The following SNX30 variants were observed in gnomAD, a reference collection of about 807,000 sequenced individuals.
The protein encoded by SNX30 is sorting nexin-30.
Under a neutral mutation model 46.4 loss-of-function variants are expected in SNX30, and 24 were observed. The observed-to-expected ratio is 0.52, with a 90% CI of 0.37 to 0.73. The LOEUF (loss-of-function observed/expected upper bound fraction) is 0.73, where lower values mean the gene tolerates loss of function less well. Among genes scored for constraint, SNX30 ranks in the 30% least tolerant of loss-of-function variants. The pLI is 0.00. For missense variants in SNX30, 533 were observed against 555.7 expected (o/e 0.96, Z 0.41); for synonymous variants, 189 against 211.5 (o/e 0.89, Z 0.92).
intron 3 of SNX30, among the ~76,000 whole-genome samples, chr9:112,829,250 AT>A (rs201643949): frequency 0.01 from 1,519 of 150,268 alleles, 34 homozygotes; most frequent in African/African-American, 0.035. Context: ...CCTGCTTTCA[AT>A]TTTTTTTTTA....
chr9:112,771,998 C>T (rs996676352), intron 1 of SNX30, among the ~76,000 whole-genome samples: 37 of 152,174 alleles, frequency 2.4e-4, no homozygotes, highest in African/African-American at 8.0e-4. Flanking sequence ...CAGGGGCAAA[C>T]CTTCGGTTGT....
chr9:112,805,475 A>G (rs939612621), intron 2 of SNX30, among the ~76,000 whole-genome samples: 11 of 152,120 alleles, frequency 7.2e-5, no homozygotes, highest in Admixed American at 3.3e-4. Context: ...GATCATAACA[A>G]TTTTTTATTT....
Position 112,854,108 on chromosome 9 carries a change from T to A in SNX30, c.1101+3163T>A, listed in dbSNP as rs10817398. ...CTGATGCTGTCATTTAATATGTTCA[T>A]CCCTATACAGGACACATTCCTTTCC... On this transcript the variant is annotated intron_variant, in intron 7 of 8. Transcript: ENST00000374232. Among the ~76,000 whole-genome samples the A allele has an allele frequency of 5.0e-3, 763 of 152,228 alleles. 7 individuals carry two copies. The highest frequency in any genetic ancestry group is 0.018 in the African/African-American group (731 of 41,504).
chr9:112,882,849 G>C (rs1255820083), downstream of SNX30, among the ~76,000 whole-genome samples: 5 of 152,078 alleles, frequency 3.3e-5, no homozygotes, highest in Non-Finnish European at 7.4e-5. Context: ...AAGTACTTTA[G>C]GTTGCTTAGA....
At chr9:112,758,911 C>T (rs1839395522) in intron 1 of SNX30, among the ~76,000 whole-genome samples, 1 of 152,074 alleles carries the variant, frequency 6.6e-6, no homozygotes, top group African/African-American at 2.4e-5. Context: ...TTAAGACCAG[C>T]CCGGGCAATA....
chr9:112,807,579 A>G (rs1245270188), intron 2 of SNX30, among the ~76,000 whole-genome samples: 1 of 152,030 alleles, frequency 6.6e-6, no homozygotes, highest in African/African-American at 2.4e-5. Context: ...GGGTGACCTT[A>G]TTTTTTACCC....
chr9:112,804,464 C>G (rs1840192572), intron 1 of SNX30, among the ~76,000 whole-genome samples: 1 of 152,190 alleles, frequency 6.6e-6, no homozygotes, highest in East Asian at 1.9e-4. Context: ...TGCGCCCAGC[C>G]CCTTGTTGAG....
intron 3 of SNX30, among the ~76,000 whole-genome samples, chr9:112,821,409 A>ATG (rs1401015406): frequency 5.3e-5 from 8 of 151,438 alleles, no homozygotes; most frequent in Non-Finnish European, 1.2e-4. Context: ...TTTTATATAT[A>ATG]TGTGTGTATA....
intron 2 of SNX30, among the ~76,000 whole-genome samples, chr9:112,810,372 A>G (rs1840301350): frequency 6.6e-6 from 1 of 152,120 alleles, no homozygotes; most frequent in Non-Finnish European, 1.5e-5. Flanking sequence ...TGGTAGAGCA[A>G]GTGGGTTTTT....
intron 1 of SNX30, among the ~76,000 whole-genome samples, chr9:112,768,662 T>C (rs1163814806): frequency 1.7e-4 from 24 of 141,690 alleles, no homozygotes; most frequent in African/African-American, 5.2e-4. Flanking sequence ...TTTTTTTTTT[T>C]TTTTTTTTTT....
intron 4 of SNX30, among the ~76,000 whole-genome samples, chr9:112,834,110 G>T (rs885387): frequency 6.7e-6 from 1 of 150,272 alleles, no homozygotes; most frequent in Admixed American, 6.7e-5. Context: ...CTGCTCTCAG[G>T]CAACAACAGT....
chr9:112,832,434 G>A (rs948317477), intron 4 of SNX30, among the ~76,000 whole-genome samples: 2 of 73,814 alleles, frequency 2.7e-5, no homozygotes, highest in Admixed American at 1.5e-4. Flanking sequence ...GTAGGAAAGA[G>A]AGAGAGAGAG....
intron 1 of SNX30, among the ~76,000 whole-genome samples, chr9:112,779,075 G>A (rs1338542002): frequency 1.3e-5 from 2 of 152,264 alleles, no homozygotes; most frequent in Non-Finnish European, 2.9e-5. Flanking sequence ...ATTACTGATG[G>A]TCTGAGGATT....
downstream of SNX30, chr9:112,875,058 T>C (rs993049859): frequency 6.6e-6 from 1 of 152,272 alleles, no homozygotes; most frequent in South Asian, 2.1e-4. Context: ...TTCTGTTTTC[T>C]TATTTTCTCT....
At chr9:112,775,542 TTGTGTGTGTGTG>T (rs199600863) in intron 1 of SNX30, among the ~76,000 whole-genome samples, 183 of 131,406 alleles carry the variant, frequency 1.4e-3, no homozygotes, top group African/African-American at 4.2e-3. Flanking sequence ...TATTTTAAAT[TTGTGTGTGTGTG>T]TGTGTGTGTG....
At chr9:112,860,406 C>T (rs1841207706) in intron 7 of SNX30, among the ~76,000 whole-genome samples, 1 of 152,222 alleles carries the variant, frequency 6.6e-6, no homozygotes, top group Non-Finnish European at 1.5e-5. Flanking sequence ...CTGGCTGCAA[C>T]TCCCTCCTTT....
chr9:112,786,970 T>A (rs1839939318), intron 1 of SNX30, among the ~76,000 whole-genome samples: 2 of 152,180 alleles, frequency 1.3e-5, no homozygotes, highest in African/African-American at 4.8e-5. Context: ...TCTTTTCCAG[T>A]GAACACGCTA....
At chr9:112,825,075 C>T (rs978141663) in intron 3 of SNX30, among the ~76,000 whole-genome samples, 5 of 152,174 alleles carry the variant, frequency 3.3e-5, no homozygotes, top group African/African-American at 9.6e-5. Flanking sequence ...TGTTTGAGCA[C>T]TTATTTTCAG....
intron 3 of SNX30, among the ~76,000 whole-genome samples, chr9:112,818,792 G>GGCAGTTTTC (rs1362338650): frequency 2.6e-5 from 4 of 152,170 alleles, no homozygotes; most frequent in Admixed American, 2.0e-4. Flanking sequence ...TGAATGCACT[G>GGCAGTTTTC]GCAGTTTTCT....
Sources: allele counts gnomAD v4.1 joint callset (sites outside exome capture counted in the v4.1 genomes callset), GRCh38; gene constraint gnomAD v4.1.1; transcripts MANE v1.5; gene names NCBI Gene and HGNC (gene_info 2026-07-23, HGNC 2026-07-21).